The following SNTG2 variants were observed in gnomAD, a reference collection of about 807,000 sequenced individuals.
SNTG2 encodes the protein gamma-2-syntrophin.
SNTG2 carries 74 observed loss-of-function variants against 70.9 expected under a neutral mutation model. That is an observed-to-expected ratio of 1.04 (90% CI 0.86 to 1.27). The LOEUF (loss-of-function observed/expected upper bound fraction) is 1.27. Among genes scored for constraint, SNTG2 ranks in the 50% most tolerant of loss-of-function variants. The pLI is 0.00. For synonymous variants in SNTG2, 278 were observed against 273.8 expected, an observed-to-expected ratio of 1.02 and a Z score of -0.15; for missense variants, 717 against 690.7, an observed-to-expected ratio of 1.04 and a Z score of -0.43.
intron 9 of SNTG2, among the ~76,000 whole-genome samples, chr2:1,226,018 A>AG (rs1675752832): frequency 6.6e-6 from 1 of 152,098 alleles, no homozygotes; most frequent in Non-Finnish European, 1.5e-5. Flanking sequence ...AAAAAAAAAA[A>AG]CCTTGCTGTG....
intron 1 of SNTG2, among the ~76,000 whole-genome samples, chr2:978,931 G>T (rs1042351640): frequency 6.6e-6 from 1 of 152,206 alleles, no homozygotes; most frequent in Non-Finnish European, 1.5e-5. Context: ...TCAGATTGCT[G>T]AATATTATGT....
intron 4 of SNTG2, among the ~76,000 whole-genome samples, chr2:1,111,268 A>G (rs1666420160): frequency 6.6e-6 from 1 of 152,268 alleles, no homozygotes; most frequent in Non-Finnish European, 1.5e-5. Flanking sequence ...AAGAATCACA[A>G]GAAACATCAG....
At chr2:1,321,305 T>G (rs1439282053) in intron 16 of SNTG2, among the ~76,000 whole-genome samples, 3 of 152,214 alleles carry the variant, frequency 2.0e-5, no homozygotes, top group Admixed American at 1.3e-4. Flanking sequence ...CACATTTTAC[T>G]GAAGAATCAT....
At chr2:1,065,395 T>A (rs1348888414) in intron 1 of SNTG2, among the ~76,000 whole-genome samples, 1 of 152,154 alleles carries the variant, frequency 6.6e-6, no homozygotes, top group Non-Finnish European at 1.5e-5. Context: ...ATAATTGGAA[T>A]CGCCCCTGGC....
At chr2:1,072,332 C>CTTT (rs1242829771) in intron 1 of SNTG2, among the ~76,000 whole-genome samples, 13 of 100,390 alleles carry the variant, frequency 1.3e-4, no homozygotes, top group Non-Finnish European at 2.3e-4. Context: ...TTTTCTTTTT[C>CTTT]TTTTCTTTTT....
chr2:1,027,016 C>G (rs191651987), intron 1 of SNTG2, among the ~76,000 whole-genome samples: 2 of 152,312 alleles, frequency 1.3e-5, no homozygotes, highest in East Asian at 1.9e-4. Context: ...TACCCTTGCT[C>G]CCTTGTGTGA....
At chr2:1,135,207 T>G (rs1186904358) in intron 4 of SNTG2, among the ~76,000 whole-genome samples, 1 of 152,188 alleles carries the variant, frequency 6.6e-6, no homozygotes, top group Non-Finnish European at 1.5e-5. Flanking sequence ...TAGATACCAT[T>G]CTTTTCTGGG....
chr2:1,245,971 G>C (rs760136184), intron 11 of SNTG2, among the ~76,000 whole-genome samples: 35 of 152,052 alleles, frequency 2.3e-4, no homozygotes, highest in Non-Finnish European at 3.4e-4. Context: ...GGAGGGTCTC[G>C]GGGAAATAAA....
At chr2:1,260,115 G>A (rs1486903308) in intron 13 of SNTG2, among the ~76,000 whole-genome samples, 2 of 152,240 alleles carry the variant, frequency 1.3e-5, no homozygotes, top group Non-Finnish European at 2.9e-5. Context: ...AATATTAAGT[G>A]AAAGTTTAAA....
chr2:1,113,119 GT>G, intron 4 of SNTG2, among the ~76,000 whole-genome samples: 1 of 61,552 alleles, frequency 1.6e-5, no homozygotes, highest in African/African-American at 3.7e-5. Flanking sequence ...TGTGTACTAA[GT>G]GAGGTTTAAC....
chr2:1,062,247 T>C (rs1026380698), intron 1 of SNTG2, among the ~76,000 whole-genome samples: 1 of 152,194 alleles, frequency 6.6e-6, no homozygotes, highest in Non-Finnish European at 1.5e-5. Context: ...TTGAACATGA[T>C]CAAGCCCACT....
intron 14 of SNTG2, among the ~76,000 whole-genome samples, chr2:1,299,898 A>G (rs942193271): frequency 1.8e-4 from 27 of 152,230 alleles, no homozygotes; most frequent in Admixed American, 1.3e-4. Context: ...AGTTCCAGGC[A>G]TGCAAGAAGG....
chr2:964,883 C>G (rs1222510622), intron 1 of SNTG2, among the ~76,000 whole-genome samples: 1 of 152,140 alleles, frequency 6.6e-6, no homozygotes, highest in Non-Finnish European at 1.5e-5. Flanking sequence ...CACCAAGGAA[C>G]TTGGAAGACG....
intron 15 of SNTG2, among the ~76,000 whole-genome samples, chr2:1,315,195 A>T (rs9326175): frequency 0.52 from 78,678 of 152,016 alleles, 20,520 homozygotes; most frequent in Middle Eastern, 0.68. Context: ...GAAGTTCTAA[A>T]TTTCCCAAAA....
At chr2:1,064,580 C>G (rs970402768) in intron 1 of SNTG2, among the ~76,000 whole-genome samples, 2 of 152,072 alleles carry the variant, frequency 1.3e-5, no homozygotes, top group African/African-American at 2.4e-5. Flanking sequence ...AAGATTCTTA[C>G]ATCGTTCATG....
At chr2:1,184,925 C>G (rs1379164198) in intron 8 of SNTG2, among the ~76,000 whole-genome samples, 1 of 152,154 alleles carries the variant, frequency 6.6e-6, no homozygotes, top group African/African-American at 2.4e-5. Context: ...CTCAAAAGTC[C>G]ATAGTTCAAA....
chr2:1,341,616 A>T (rs1166606124), intron 16 of SNTG2: 1 of 152,160 alleles, frequency 6.6e-6, no homozygotes, highest in Non-Finnish European at 1.5e-5. Context: ...GTTTAATGAG[A>T]TCCCTGGGGA....
chr2:951,142 C>T (rs1249690842), intron 1 of SNTG2, 74 bp downstream of exon 1: 8 of 642,532 alleles, frequency 1.2e-5, no homozygotes, highest in Non-Finnish European at 1.6e-5. Flanking sequence ...TCCCCCCGCC[C>T]CTCCTCCCTC....
At chr2:1,036,427 G>A (rs770162442) in intron 1 of SNTG2, among the ~76,000 whole-genome samples, 1 of 152,056 alleles carries the variant, frequency 6.6e-6, no homozygotes, top group Non-Finnish European at 1.5e-5. Flanking sequence ...AAGTGACTCT[G>A]ATAAATTTCT....
Sources: gnomAD v4.1 joint callset for allele counts (sites outside exome capture counted in the v4.1 genomes callset) on GRCh38, gnomAD v4.1.1 for gene constraint, MANE v1.5 for transcripts, NCBI Gene and HGNC (gene_info 2026-07-23, HGNC 2026-07-21) for gene names.